Variants in ADH1A observed in about 807,000 individuals in gnomAD.
The protein encoded by ADH1A is alcohol dehydrogenase 1A (class I), alpha polypeptide.
A neutral mutation model predicts 35.2 loss-of-function variants in ADH1A; 29 were observed. The observed-to-expected ratio is 0.82, with a 90% CI of 0.61 to 1.12. The LOEUF (loss-of-function observed/expected upper bound fraction) is 1.12. ADH1A is among the 50% of genes most tolerant of loss of function. ADH1A has a pLI of 0.00. For synonymous variants in ADH1A, 147 were observed against 164.8 expected (o/e 0.89, Z 0.83); for missense variants, 469 against 464.7 (o/e 1.01, Z -0.09).
intron 8 of ADH1A, among the ~76,000 whole-genome samples, chr4:99,278,884 T>C (rs1331437262): frequency 6.6e-6 from 1 of 152,076 alleles, no homozygotes; most frequent in Non-Finnish European, 1.5e-5. Context: ...TTCTCTTTTA[T>C]AATAACTTTT....
At chr4:99,287,789 G>T (rs1733192994) in intron 1 of ADH1A, 124 bp from the exon 2 acceptor site, 1 of 993,970 alleles carries the variant, frequency 1.0e-6, no homozygotes, top group Non-Finnish European at 1.5e-6. Context: ...GTGCTCTATA[G>T]AAATGATCAC....
Position 99,290,883 on chromosome 4 carries a change from T to A in ADH1A, c.18+14A>T, listed in dbSNP as rs763365763. The A allele has an allele frequency of 4.3e-6, 7 of 1,612,034 alleles. No individual in the cohort carries two copies. The Admixed American group carries it at 1.2e-4, about 27-fold the overall frequency. On this transcript the variant is annotated intron_variant, in intron 1 of 8. Coordinates refer to ENST00000209668, the MANE Select transcript of ADH1A (RefSeq NM_000667.4). ...TGAGAATATAGTTCCAACAGTAATA[T>A]ATTTTTTGCTTACTTTTCCTGCTGT...
Position 99,284,379 on chromosome 4 carries a change from T to G in ADH1A, c.567+20A>C. 1 of 1,612,660 alleles carries G rather than the reference T, an allele frequency of 6.2e-7. No homozygotes were observed. The highest frequency in any genetic ancestry group is 8.5e-7 in the Non-Finnish European group (1 of 1,178,636). ...GACAGTCTGCGTGTAACTGTTTTTATCACCCATTGCCATTCTTACCTTGGC... is the reference window on the plus strand; with the variant it reads ...GACAGTCTGCGTGTAACTGTTTTTAGCACCCATTGCCATTCTTACCTTGGC... On this transcript the variant is annotated intron_variant, in intron 5 of 8. Coordinates refer to ENST00000209668, the MANE Select transcript of ADH1A (RefSeq NM_000667.4).
intron 2 of ADH1A, 67 bp downstream of exon 2, chr4:99,287,497 G>A: frequency 2.0e-6 from 3 of 1,491,620 alleles, no homozygotes; most frequent in South Asian, 2.5e-5. Context: ...TAAAAATTTG[G>A]TTGTTTCCGT....
chr4:99,276,752 G>T, intron 8 of ADH1A, 104 bp from the exon 9 acceptor site: 2 of 1,119,910 alleles, frequency 1.8e-6, no homozygotes, highest in South Asian at 1.3e-5. Context: ...TCTGTTCTCA[G>T]CCACTCTAAT....
intron 5 of ADH1A, among the ~76,000 whole-genome samples, chr4:99,283,198 T>A (rs1733048924): frequency 6.6e-6 from 1 of 152,222 alleles, no homozygotes; most frequent in Non-Finnish European, 1.5e-5. Flanking sequence ...TAATGAAACA[T>A]TAGTCTATAT....
At chr4:99,289,949 A>T (rs1346978714) in intron 1 of ADH1A, among the ~76,000 whole-genome samples, 4 of 152,200 alleles carry the variant, frequency 2.6e-5, no homozygotes, top group Non-Finnish European at 5.9e-5. Context: ...AGTCTTATTG[A>T]TATGAACCTG....
chr4:99,289,027 C>A lies in ADH1A; in HGVS notation c.19-1362G>T, dbSNP rs766777408. 1.3e-3 allele frequency among the ~76,000 whole-genome samples: 195 copies of A among 152,192 alleles called. 1 individual carries two copies. Among genetic ancestry groups the A allele is most frequent in the South Asian group, 1.9e-3 (9 of 4,816 alleles). ...TGATATCATTCTCATGCCTTTGCAT[C>A]CTCATAGCCTAACTCTCTCTTATAA... On this transcript the variant is annotated intron_variant, in intron 1 of 8. Coordinates refer to ENST00000209668, the MANE Select transcript of ADH1A (RefSeq NM_000667.4).
intron 2 of ADH1A, 38 bp from the exon 3 acceptor site, chr4:99,287,026 A>G (rs1390391399): frequency 1.3e-6 from 2 of 1,585,136 alleles, no homozygotes; most frequent in Non-Finnish European, 8.5e-7. Context: ...AAAGATTGTG[A>G]GTCTCAGGTG....
intron 3 of ADH1A, 97 bp from the exon 4 acceptor site, chr4:99,284,900 G>A (rs1274426228): frequency 9.1e-7 from 1 of 1,097,348 alleles, no homozygotes; most frequent in Admixed American, 2.3e-5. Flanking sequence ...TTAGAAACAT[G>A]TGTCTTTAAA....
chr4:99,287,103 C>T, intron 2 of ADH1A, 115 bp from the exon 3 acceptor site: 2 of 1,279,650 alleles, frequency 1.6e-6, no homozygotes, highest in Non-Finnish European at 2.2e-6. Flanking sequence ...GCTAATAATC[C>T]CTACTATCCC....
intron 1 of ADH1A, among the ~76,000 whole-genome samples, chr4:99,289,149 T>C (rs1280997489): frequency 1.3e-5 from 2 of 152,214 alleles, no homozygotes; most frequent in Admixed American, 6.5e-5. Context: ...TATTTTATTT[T>C]ATTCTGTTTA....
At chr4:99,287,718 G>A in intron 1 of ADH1A, 53 bp from the exon 2 acceptor site, 1 of 1,589,378 alleles carries the variant, frequency 6.3e-7, no homozygotes. Context: ...CTTGCAGTCA[G>A]ATATTGTGTC....
chr4:99,289,743 T>A (rs1733245128), intron 1 of ADH1A, among the ~76,000 whole-genome samples: 1 of 152,224 alleles, frequency 6.6e-6, no homozygotes, highest in Non-Finnish European at 1.5e-5. Flanking sequence ...ATTTCATCAG[T>A]TATTATTTTC....
intron 7 of ADH1A, 39 bp from the exon 8 acceptor site, chr4:99,279,603 G>A (rs762779425): frequency 6.0e-5 from 94 of 1,576,302 alleles, no homozygotes; most frequent in Non-Finnish European, 7.5e-5. Flanking sequence ...TTCAACCAGG[G>A]TAAGTAGGAG....
intron 6 of ADH1A, chr4:99,281,830 G>A (rs1733010480): frequency 5.4e-6 from 1 of 185,406 alleles, no homozygotes; most frequent in Admixed American, 5.5e-5. Flanking sequence ...ATAAAATATA[G>A]TAATGCATTT....
chr4:99,289,253 T>C (rs999239191), intron 1 of ADH1A, among the ~76,000 whole-genome samples: 4 of 152,180 alleles, frequency 2.6e-5, no homozygotes, highest in African/African-American at 9.6e-5. Context: ...TATTTTGTAA[T>C]TGCAAATTGT....
At chr4:99,290,650 C>T (rs1332257996) in intron 1 of ADH1A, among the ~76,000 whole-genome samples, 1 of 152,122 alleles carries the variant, frequency 6.6e-6, no homozygotes, top group Non-Finnish European at 1.5e-5. Context: ...CCGCAAATGT[C>T]TTTAATGTGG....
intron 6 of ADH1A, 87 bp downstream of exon 6, chr4:99,282,259 C>T (rs1414630025): frequency 3.7e-6 from 6 of 1,612,216 alleles, no homozygotes; most frequent in Non-Finnish European, 5.1e-6. Context: ...TAAAAATATC[C>T]TTTATACAGA....
Sources: allele counts gnomAD v4.1 joint callset (sites outside exome capture counted in the v4.1 genomes callset), GRCh38; gene constraint gnomAD v4.1.1; transcripts MANE v1.5; gene names NCBI Gene and HGNC (gene_info 2026-07-23, HGNC 2026-07-21).